INO80C: variants seen among roughly 807,000 people sequenced by gnomAD.
INO80C encodes the protein INO80 complex subunit C.
In INO80C, 17 loss-of-function variants were observed where a neutral mutation model predicts 17.7. That is an observed-to-expected ratio of 0.96 (90% confidence interval 0.66 to 1.44). INO80C has a LOEUF of 1.44. Ranked by LOEUF, INO80C falls within the 40% of genes most tolerant of loss-of-function variation. The probability of loss-of-function intolerance (pLI) is 0.00; values close to 1 mark genes in which losing one functional copy is unlikely to be tolerated. For synonymous variants in INO80C, 96 were observed against 95.8 expected (o/e 1.00, Z -0.01); for missense variants, 244 against 245.0 (o/e 1.00, Z 0.03).
intron 1 of INO80C, chr18:35,496,947 A>G (rs923578603): frequency 1.3e-5 from 2 of 152,382 alleles, no homozygotes; most frequent in Admixed American, 1.3e-4. Flanking sequence ...CTACAGAAGA[A>G]GGAACAAGAT....
At position 35,474,207 on chromosome 18, in the gene INO80C, CTATATATATATATATATATATATATATA is replaced by C. The variant is rs58465669; in HGVS notation, c.447+4047_447+4074del. On this transcript the variant is annotated intron_variant, in intron 4 of 4. Coordinates refer to ENST00000334598, the MANE Select transcript of INO80C (RefSeq NM_194281.4). ...TATATGTGTATATGTGTGTGTGTGT[CTATATATATATATATATATATATATATA>C]TATATATATACTTAATAACTAAGTA... 3.6e-4 allele frequency among the ~76,000 whole-genome samples: 21 copies of C among 58,020 alleles called. 1 individual carries two copies. The highest frequency in any genetic ancestry group is 1.2e-3 in the Admixed American group (5 of 4,198). 38.1% of individuals were successfully genotyped at this position (58,020 alleles called of 152,430 possible).
chr18:35,471,704 T>C (rs941868351), intron 4 of INO80C, among the ~76,000 whole-genome samples: 2 of 152,026 alleles, frequency 1.3e-5, no homozygotes, highest in Non-Finnish European at 2.9e-5. Flanking sequence ...GCTGCACCCA[T>C]TAACTCGTCA....
chr18:35,480,578 AAAATAGTTTGAAGAAGTCAGTT>A lies in INO80C; in HGVS notation c.157-37_157-16del. On this transcript the variant is annotated splice_polypyrimidine_tract_variant and intron_variant, in intron 1 of 4. Transcript: ENST00000334598. ...ATGCTGATACCCTTAAAACATAATA[AAAATAGTTTGAAGAAGTCAGTT>A]TCTTTCAGCTGAGTTCCCCACCTCT... 1 of 1,577,480 alleles carries A rather than the reference AAAATAGTTTGAAGAAGTCAGTT, an allele frequency of 6.3e-7. No individual in the cohort carries two copies. The highest frequency in any genetic ancestry group is 8.7e-7 in the Non-Finnish European group (1 of 1,146,640).
At chr18:35,496,212 C>A (rs2045979535) in intron 1 of INO80C, among the ~76,000 whole-genome samples, 2 of 152,206 alleles carry the variant, frequency 1.3e-5, no homozygotes, top group South Asian at 4.1e-4. Flanking sequence ...CAAGAATGTT[C>A]AGAGCAGCTT....
chr18:35,469,291 T>C (rs917051308), intron 4 of INO80C, among the ~76,000 whole-genome samples: 3 of 152,226 alleles, frequency 2.0e-5, no homozygotes, highest in African/African-American at 7.2e-5. Flanking sequence ...AGGATCTTCT[T>C]TGCAACGTGC....
chr18:35,481,529 C>T (rs1208699461), intron 1 of INO80C, among the ~76,000 whole-genome samples: 1 of 152,198 alleles, frequency 6.6e-6, no homozygotes, highest in African/African-American at 2.4e-5. Flanking sequence ...TGGAGAACTT[C>T]GTATAAACAG....
intron 4 of INO80C, among the ~76,000 whole-genome samples, chr18:35,470,780 T>C (rs964111763): frequency 6.6e-6 from 1 of 152,140 alleles, no homozygotes; most frequent in African/African-American, 2.4e-5. Context: ...GGGGCCAACA[T>C]CTAGGATTCT....
intron 1 of INO80C, 124 bp downstream of exon 1, chr18:35,497,595 C>T: frequency 1.4e-6 from 2 of 1,438,866 alleles, no homozygotes; most frequent in Non-Finnish European, 1.8e-6. Context: ...GGGGCAGCGT[C>T]TTTCAACCCC....
intron 2 of INO80C, among the ~76,000 whole-genome samples, chr18:35,479,890 T>G (rs2045784818): frequency 6.6e-6 from 1 of 151,868 alleles, no homozygotes; most frequent in African/African-American, 2.4e-5. Context: ...TACCTCTTTT[T>G]TTTTTTTTTT....
intron 1 of INO80C, among the ~76,000 whole-genome samples, chr18:35,490,388 C>CTTT (rs761550043): frequency 5.9e-5 from 9 of 152,116 alleles, no homozygotes; most frequent in Non-Finnish European, 1.2e-4. Context: ...GTAAGCACCA[C>CTTT]GTCAAAAGAA....
chr18:35,473,423 C>G (rs78319847), intron 4 of INO80C, among the ~76,000 whole-genome samples: 11 of 152,260 alleles, frequency 7.2e-5, no homozygotes, highest in Admixed American at 6.5e-4. Context: ...GTGGAGCTCA[C>G]GCAGAGCTCA....
Position 35,480,576 on chromosome 18 carries a change from T to C in INO80C, c.157-13A>G, listed in dbSNP as rs1331513420. The C allele has an allele frequency of 2.5e-6, 4 of 1,581,884 alleles. No homozygotes were observed. Among genetic ancestry groups the C allele is most frequent in the East Asian group, 2.2e-5 (1 of 44,694 alleles). ...CCATGCTGATACCCTTAAAACATAA[T>C]AAAAATAGTTTGAAGAAGTCAGTTT... On this transcript the variant is annotated splice_polypyrimidine_tract_variant and intron_variant, in intron 1 of 4. Coordinates refer to ENST00000334598, the MANE Select transcript of INO80C (RefSeq NM_194281.4).
chr18:35,495,938 T>C (rs1489605339), intron 1 of INO80C, among the ~76,000 whole-genome samples: 3 of 151,910 alleles, frequency 2.0e-5, no homozygotes, highest in Non-Finnish European at 4.4e-5. Flanking sequence ...AGAAACAAAT[T>C]AAAACAAGGA....
intron 1 of INO80C, among the ~76,000 whole-genome samples, chr18:35,483,957 CA>C (rs1321467271): frequency 1.3e-5 from 2 of 152,136 alleles, no homozygotes; most frequent in East Asian, 3.8e-4. Context: ...AAGGATGCGG[CA>C]GGGGATAAAA....
At position 35,497,870 on chromosome 18, in the gene INO80C, GCCATCGCACTCCGAGTCTTCC is replaced by G. The variant is rs1473980020; in HGVS notation, c.-17_4del. ...GGTGGCCACAATTGGAATTTGCGCC[GCCATCGCACTCCGAGTCTTCC>G]CCTGGTCCCCCCACCTTTTTCCCAG... On this transcript the variant is annotated start_lost and 5_prime_UTR_variant, in exon 1 of 5. Transcript: ENST00000334598. 6 of 1,566,182 alleles carry G rather than the reference GCCATCGCACTCCGAGTCTTCC, an allele frequency of 3.8e-6. No homozygotes were observed. The highest frequency in any genetic ancestry group is 5.2e-6 in the Non-Finnish European group (6 of 1,153,444).
At chr18:35,471,523 T>C (rs943284302) in intron 4 of INO80C, among the ~76,000 whole-genome samples, 7 of 152,218 alleles carry the variant, frequency 4.6e-5, no homozygotes, top group African/African-American at 1.4e-4. Context: ...GTGATAGACC[T>C]TGATGTTGCT....
chr18:35,483,805 G>A (rs2045842778), intron 1 of INO80C: 1 of 152,194 alleles, frequency 6.6e-6, no homozygotes, highest in Non-Finnish European at 1.5e-5. Flanking sequence ...AGGGGCAGAG[G>A]GGAACATAGT....
chr18:35,496,247 C>T (rs1384174304), intron 1 of INO80C, among the ~76,000 whole-genome samples: 1 of 152,162 alleles, frequency 6.6e-6, no homozygotes, highest in Non-Finnish European at 1.5e-5. Flanking sequence ...AAACTGTAAA[C>T]GTTCAAATAT....
At chr18:35,497,295 C>T (rs2045993047) in intron 1 of INO80C, 1 of 975,284 alleles carries the variant, frequency 1.0e-6, no homozygotes, top group African/African-American at 1.8e-5. Context: ...AGAAAGCATA[C>T]TTATCAATAC....
Sources: gnomAD v4.1 joint callset for allele counts (sites outside exome capture counted in the v4.1 genomes callset) on GRCh38, gnomAD v4.1.1 for gene constraint, MANE v1.5 for transcripts, NCBI Gene and HGNC (gene_info 2026-07-23, HGNC 2026-07-21) for gene names.